RORA: variants seen among roughly 807,000 people sequenced by gnomAD.
RORA encodes RAR related orphan receptor A.
Under a neutral mutation model 69.5 loss-of-function variants are expected in RORA, and 7 were observed. That is an observed-to-expected ratio of 0.10 (90% CI 0.06 to 0.19). The LOEUF (loss-of-function observed/expected upper bound fraction) is 0.19. Among genes scored for constraint, RORA ranks in the 10% least tolerant of loss-of-function variants. RORA has a pLI of 1.00. For synonymous variants in RORA, 261 were observed against 240.8 expected, an observed-to-expected ratio of 1.08 and a Z score of -0.78; for missense variants, 457 against 663.0, an observed-to-expected ratio of 0.69 and a Z score of 3.41.
intron 1 of RORA, among the ~76,000 whole-genome samples, chr15:60,688,409 A>G (rs2070777235): frequency 6.6e-6 from 1 of 152,204 alleles, no homozygotes; most frequent in East Asian, 1.9e-4. Context: ...AATTATAATA[A>G]TAAGAAAGAA....
intron 1 of RORA, among the ~76,000 whole-genome samples, chr15:61,155,249 A>C (rs1466696972): frequency 3.9e-5 from 6 of 152,234 alleles, no homozygotes; most frequent in Non-Finnish European, 5.9e-5. Flanking sequence ...TTAAAAATTA[A>C]TTTAAAAAGA....
chr15:60,717,257 G>A (rs777399584), intron 1 of RORA, among the ~76,000 whole-genome samples: 22 of 152,344 alleles, frequency 1.4e-4, no homozygotes, highest in Non-Finnish European at 2.5e-4. Context: ...TGTATGCAGA[G>A]GGAAAACTCA....
At chr15:60,701,122 T>C (rs1392372265) in intron 1 of RORA, among the ~76,000 whole-genome samples, 2 of 152,192 alleles carry the variant, frequency 1.3e-5, no homozygotes, top group African/African-American at 4.8e-5. Flanking sequence ...CGTACATTCA[T>C]CCCTCACTAT....
intron 1 of RORA, among the ~76,000 whole-genome samples, chr15:61,188,514 G>A (rs762660245): frequency 6.6e-6 from 1 of 152,168 alleles, no homozygotes; most frequent in Non-Finnish European, 1.5e-5. Flanking sequence ...ACGTGCAACT[G>A]TCTTCATCAC....
At chr15:60,516,132 T>C (rs2065914680) in intron 3 of RORA, among the ~76,000 whole-genome samples, 1 of 69,500 alleles carries the variant, frequency 1.4e-5, no homozygotes, top group African/African-American at 5.7e-5. Flanking sequence ...TTATATTAAA[T>C]ATATTTATAT....
At chr15:60,567,658 G>A (rs1251173062) in intron 2 of RORA, among the ~76,000 whole-genome samples, 1 of 152,088 alleles carries the variant, frequency 6.6e-6, no homozygotes, top group Non-Finnish European at 1.5e-5. Flanking sequence ...TGATCCGCCT[G>A]CCTTGGCCTC....
intron 2 of RORA, among the ~76,000 whole-genome samples, chr15:60,612,129 GATCA>G (rs2069105977): frequency 6.6e-6 from 1 of 152,192 alleles, no homozygotes; most frequent in Non-Finnish European, 1.5e-5. Context: ...GAAGTTCTGA[GATCA>G]TGTATTAAGA....
At chr15:60,833,924 T>C (rs1451010865) in intron 1 of RORA, among the ~76,000 whole-genome samples, 1 of 152,134 alleles carries the variant, frequency 6.6e-6, no homozygotes, top group Non-Finnish European at 1.5e-5. Context: ...CTTTGCACCA[T>C]GAGGTTGTGA....
chr15:60,818,337 T>C (rs2072845325), intron 1 of RORA, among the ~76,000 whole-genome samples: 1 of 152,186 alleles, frequency 6.6e-6, no homozygotes, highest in African/African-American at 2.4e-5. Flanking sequence ...ATAAGAGAAG[T>C]GAAGAGGGAA....
At chr15:60,759,400 T>A (rs568923593) in intron 1 of RORA, among the ~76,000 whole-genome samples, 175 of 152,264 alleles carry the variant, frequency 1.1e-3, no homozygotes, top group Non-Finnish European at 1.8e-3. Flanking sequence ...GATCCTCAAC[T>A]GGAATCCAGG....
At chr15:60,795,491 C>G (rs1303142429) in intron 1 of RORA, among the ~76,000 whole-genome samples, 3 of 152,228 alleles carry the variant, frequency 2.0e-5, no homozygotes, top group Admixed American at 2.0e-4. Context: ...TGGAAGCTCC[C>G]TGAGGGAAGG....
chr15:61,132,407 C>T (rs746239285), intron 1 of RORA, among the ~76,000 whole-genome samples: 1 of 152,020 alleles, frequency 6.6e-6, no homozygotes, highest in African/African-American at 2.4e-5. Context: ...AGTTTTTTCA[C>T]GGTAAAGTAT....
At chr15:61,039,953 G>C (rs1199251711) in intron 1 of RORA, among the ~76,000 whole-genome samples, 3 of 151,002 alleles carry the variant, frequency 2.0e-5, no homozygotes, top group Non-Finnish European at 4.4e-5. Context: ...ATCAGTGTTA[G>C]AAAACATTGG....
chr15:60,912,222 G>A (rs1480882511), intron 1 of RORA, among the ~76,000 whole-genome samples: 1 of 148,490 alleles, frequency 6.7e-6, no homozygotes, highest in East Asian at 2.2e-4. Context: ...ACCAGTCTGG[G>A]CAACATGGCA....
At chr15:60,726,306 T>C (rs1421894845) in intron 1 of RORA, among the ~76,000 whole-genome samples, 2 of 151,966 alleles carry the variant, frequency 1.3e-5, no homozygotes, top group African/African-American at 2.4e-5. Context: ...GTCTAAGAAA[T>C]GAATGGGGTC....
chr15:60,945,123 G>T (rs1384025060), intron 1 of RORA, among the ~76,000 whole-genome samples: 4 of 152,096 alleles, frequency 2.6e-5, no homozygotes, highest in Non-Finnish European at 5.9e-5. Flanking sequence ...CAGCAATATG[G>T]GGCTGGACCA....
At chr15:61,137,663 G>A (rs2079258537) in intron 1 of RORA, among the ~76,000 whole-genome samples, 1 of 152,194 alleles carries the variant, frequency 6.6e-6, no homozygotes, top group South Asian at 2.1e-4. Context: ...CAGCTAAAGT[G>A]CATTTAGCAT....
chr15:60,498,589 G>C (rs965663790), intron 10 of RORA, among the ~76,000 whole-genome samples: 4 of 152,072 alleles, frequency 2.6e-5, no homozygotes, highest in Non-Finnish European at 5.9e-5. Flanking sequence ...CCTCACAAAG[G>C]CAAACTGCTT....
chr15:60,701,120 C>G (rs969773866), intron 1 of RORA, among the ~76,000 whole-genome samples: 4 of 152,226 alleles, frequency 2.6e-5, no homozygotes, highest in Non-Finnish European at 5.9e-5. Flanking sequence ...CACGTACATT[C>G]ATCCCTCACT....
Sources: gnomAD v4.1 joint callset for allele counts (sites outside exome capture counted in the v4.1 genomes callset) on GRCh38, gnomAD v4.1.1 for gene constraint, MANE v1.5 for transcripts, NCBI Gene and HGNC (gene_info 2026-07-23, HGNC 2026-07-21) for gene names.